AGK: variants seen among roughly 807,000 people sequenced by gnomAD.
The protein encoded by AGK is acylglycerol kinase, also known as acylglycerol kinase, mitochondrial.
A neutral mutation model predicts 66.4 loss-of-function variants in AGK; 52 were observed. The observed-to-expected ratio is 0.78, with a 90% CI of 0.63 to 0.99. AGK has a LOEUF of 0.99. Ranked by LOEUF, AGK falls within the 50% of genes least tolerant of loss-of-function variation. The probability of loss-of-function intolerance (pLI) is 0.00; values close to 1 mark genes in which losing one functional copy is unlikely to be tolerated. For missense variants in AGK, 451 were observed against 506.6 expected (o/e 0.89, Z 1.05); for synonymous variants, 182 against 181.1 (o/e 1.00, Z -0.04).
At chr7:141,565,871 C>T (rs1456739520) in intron 2 of AGK, among the ~76,000 whole-genome samples, 2 of 152,186 alleles carry the variant, frequency 1.3e-5, no homozygotes, top group East Asian at 1.9e-4. Context: ...TTTGCCTGTT[C>T]CTAATCCATT....
At chr7:141,603,180 C>A (rs1208080784) in intron 5 of AGK, among the ~76,000 whole-genome samples, 3 of 152,016 alleles carry the variant, frequency 2.0e-5, no homozygotes, top group African/African-American at 7.2e-5. Flanking sequence ...TCTTCTATGT[C>A]CTTACTGATT....
At chr7:141,588,944 A>G (rs1463531507) in intron 2 of AGK, among the ~76,000 whole-genome samples, 1 of 152,142 alleles carries the variant, frequency 6.6e-6, no homozygotes, top group Non-Finnish European at 1.5e-5. Context: ...TCTCATCGCC[A>G]TCTTGGTTTT....
rs561071377 is a variant in AGK at position 141,552,623 on chromosome 7, T to G, written c.-15+1189T>G. On this transcript the variant is annotated intron_variant, in intron 1 of 15. Transcript: ENST00000649286. The stretch of plus-strand genomic sequence containing the variant: ...GCTGTTGATGAGATTCAGGACACAC[T>G]GCCGCAAAATATGACTCGTTGGCAT... Among the ~76,000 whole-genome samples, 14 of 152,352 alleles carry G rather than the reference T, an allele frequency of 9.2e-5. No individual in the cohort carries two copies. The East Asian group carries it at 2.3e-3, about 25-fold the overall frequency.
At chr7:141,552,009 C>T (rs1277174866) in intron 1 of AGK, among the ~76,000 whole-genome samples, 3 of 152,322 alleles carry the variant, frequency 2.0e-5, no homozygotes, top group South Asian at 4.1e-4. Context: ...TGACTGAAAT[C>T]ACTATTCAAC....
intron 2 of AGK, among the ~76,000 whole-genome samples, chr7:141,579,211 G>C (rs1022306635): frequency 3.9e-5 from 6 of 152,030 alleles, no homozygotes; most frequent in African/African-American, 1.5e-4. Flanking sequence ...AGTGGTAAAA[G>C]TATTGTCCAG....
intron 2 of AGK, among the ~76,000 whole-genome samples, chr7:141,572,592 T>C (rs1187309526): frequency 6.6e-6 from 1 of 152,212 alleles, no homozygotes; most frequent in Non-Finnish European, 1.5e-5. Context: ...CAGCTTATAG[T>C]TATCCCTCAA....
At chr7:141,587,039 C>G (rs889350637) in intron 2 of AGK, among the ~76,000 whole-genome samples, 1 of 152,188 alleles carries the variant, frequency 6.6e-6, no homozygotes, top group African/African-American at 2.4e-5. Flanking sequence ...CACCCCACCT[C>G]GGATAGACAG....
chr7:141,593,447 A>G (rs1587104318), intron 3 of AGK: 1 of 693,030 alleles, frequency 1.4e-6, no homozygotes, highest in Non-Finnish European at 2.6e-6. Flanking sequence ...CTGGACTGGT[A>G]GAAGCTCTGG....
intron 13 of AGK, among the ~76,000 whole-genome samples, chr7:141,648,142 A>C (rs1324116472): frequency 6.6e-6 from 1 of 151,988 alleles, no homozygotes; most frequent in Non-Finnish European, 1.5e-5. Context: ...CCCCTTTTTC[A>C]TAACACAGCC....
rs562003662 is a variant in AGK, at chr7:141,578,776, CGAATAAGAGAA to C, written c.102-14366_102-14356del. On this transcript the variant is annotated intron_variant, in intron 2 of 15. Coordinates refer to ENST00000649286, the MANE Select transcript of AGK (RefSeq NM_018238.4). ...AAAACTAAACAGAAGACACAAGGTC[CGAATAAGAGAA>C]GAAAAACAGCTATTAAAGGACTAAG... Among the ~76,000 whole-genome samples, 42 of 151,640 alleles carry C rather than the reference CGAATAAGAGAA, an allele frequency of 2.8e-4. No homozygotes were observed. In the East Asian group the frequency reaches 5.4e-3, roughly 20 times the overall value.
chr7:141,579,563 G>T (rs1330530037), intron 2 of AGK, among the ~76,000 whole-genome samples: 1 of 151,948 alleles, frequency 6.6e-6, no homozygotes, highest in South Asian at 2.1e-4. Flanking sequence ...TGTGAGTAAG[G>T]TTAATTTGCC....
At chr7:141,632,058 G>A (rs192925571) in intron 9 of AGK, among the ~76,000 whole-genome samples, 10 of 151,802 alleles carry the variant, frequency 6.6e-5, no homozygotes, top group South Asian at 4.2e-4. Context: ...GTGAAACCCC[G>A]TCTCTACTAA....
chr7:141,651,652 C>A, intron 15 of AGK, 43 bp downstream of exon 15: 1 of 1,555,490 alleles, frequency 6.4e-7, no homozygotes, highest in Non-Finnish European at 8.9e-7. Context: ...TTGATTCGTT[C>A]GTCATCGGCC....
intron 8 of AGK, 38 bp from the exon 9 acceptor site, chr7:141,621,685 GATGTTGCCT>G: frequency 7.8e-7 from 1 of 1,279,480 alleles, no homozygotes; most frequent in Non-Finnish European, 1.1e-6. Flanking sequence ...TGGTGGGGGA[GATGTTGCCT>G]ATTTTTCATA....
At chr7:141,599,135 C>T (rs1796288575) in intron 4 of AGK, 1 of 152,044 alleles carries the variant, frequency 6.6e-6, no homozygotes, top group Non-Finnish European at 1.5e-5. Context: ...CTTTTAAAAG[C>T]TTTCACTATT....
At chr7:141,634,828 T>C (rs1293301004) in intron 10 of AGK, among the ~76,000 whole-genome samples, 7 of 150,140 alleles carry the variant, frequency 4.7e-5, no homozygotes, top group African/African-American at 1.5e-4. Context: ...CAGCCTGCCA[T>C]GCTTTTTTTT....
intron 2 of AGK, among the ~76,000 whole-genome samples, chr7:141,588,658 C>G (rs1482452201): frequency 6.6e-6 from 1 of 151,914 alleles, no homozygotes; most frequent in Non-Finnish European, 1.5e-5. Flanking sequence ...AGGTTGACTA[C>G]TCCATAGGCA....
intron 2 of AGK, among the ~76,000 whole-genome samples, chr7:141,584,765 C>G (rs1263548808): frequency 1.3e-5 from 2 of 152,172 alleles, no homozygotes; most frequent in Admixed American, 1.3e-4. Flanking sequence ...AAACTTTTCA[C>G]CATCAGCAAT....
In AGK at chr7:141,610,396, T is replaced by C. The variant is rs184865195; in HGVS notation, c.298-799T>C. 1.2e-4 allele frequency among the ~76,000 whole-genome samples: 19 copies of C among 152,340 alleles called. No homozygotes were observed. In the East Asian group the frequency reaches 2.9e-3, roughly 23 times the overall value. ...GGAGTGTTTCCTATTTTAATATTAG[T>C]TGCATTATGTCTATTGAAATTTAGT... On this transcript the variant is annotated intron_variant, in intron 5 of 15. Coordinates refer to ENST00000649286, the MANE Select transcript of AGK (RefSeq NM_018238.4).
Sources: allele counts gnomAD v4.1 joint callset (sites outside exome capture counted in the v4.1 genomes callset), GRCh38; gene constraint gnomAD v4.1.1; transcripts MANE v1.5; gene names NCBI Gene and HGNC (gene_info 2026-07-23, HGNC 2026-07-21).